Variants in SLC4A4 observed in about 807,000 individuals in gnomAD.
SLC4A4 encodes electrogenic sodium bicarbonate cotransporter 1.
SLC4A4 carries 27 observed loss-of-function variants against 111.5 expected under a neutral mutation model. That is an observed-to-expected ratio of 0.24 (90% CI 0.18 to 0.33). SLC4A4 has a LOEUF of 0.33. Among genes scored for constraint, SLC4A4 ranks in the 10% least tolerant of loss-of-function variants. The pLI is 1.00. For synonymous variants in SLC4A4, 443 were observed against 463.4 expected (o/e 0.96, Z 0.57); for missense variants, 909 against 1,315.5 (o/e 0.69, Z 4.78).
intron 2 of SLC4A4, among the ~76,000 whole-genome samples, chr4:71,156,588 G>GCACACACACACACACA (rs1553957345): frequency 5.5e-4 from 76 of 138,568 alleles, no homozygotes; most frequent in African/African-American, 2.0e-3. Flanking sequence ...GCGCGCGCGC[G>GCACACACACACACACA]CACACACACA....
chr4:71,110,807 G>A (rs1159751495), intron 2 of SLC4A4, among the ~76,000 whole-genome samples: 1 of 152,130 alleles, frequency 6.6e-6, no homozygotes, highest in East Asian at 1.9e-4. Flanking sequence ...GGGCTCTTCA[G>A]TTTGAAGTAC....
intron 3 of SLC4A4, among the ~76,000 whole-genome samples, chr4:71,273,779 G>A (rs535173858): frequency 1.3e-5 from 2 of 151,766 alleles, no homozygotes; most frequent in African/African-American, 4.8e-5. Context: ...GTCAAGCGTT[G>A]CATGCTGGAA....
chr4:71,080,284 G>A (rs1741957658), intron 1 of SLC4A4, among the ~76,000 whole-genome samples: 1 of 152,064 alleles, frequency 6.6e-6, no homozygotes, highest in African/African-American at 2.4e-5. Flanking sequence ...CTCTCCTGGA[G>A]TCAGGGCTGG....
chr4:71,421,482 G>A (rs573071866), intron 7 of SLC4A4, among the ~76,000 whole-genome samples: 88 of 152,110 alleles, frequency 5.8e-4, no homozygotes, highest in Middle Eastern at 6.8e-3. Flanking sequence ...TGCACCAGGC[G>A]GACCTAATAG....
chr4:71,292,965 C>CCA (rs1426773941), intron 3 of SLC4A4, among the ~76,000 whole-genome samples: 30 of 150,500 alleles, frequency 2.0e-4, no homozygotes, highest in African/African-American at 7.3e-4. Context: ...CCTCAGCCTC[C>CCA]CAAGTAGCTG....
intron 12 of SLC4A4, among the ~76,000 whole-genome samples, chr4:71,460,617 G>GA (rs1382154911): frequency 6.6e-6 from 1 of 152,160 alleles, no homozygotes; most frequent in African/African-American, 2.4e-5. Context: ...TGTCAGGACA[G>GA]AAATCACTGA....
chr4:71,186,697 G>GAGGGC (rs1456401716), upstream of SLC4A4: 2 of 151,810 alleles, frequency 1.3e-5, no homozygotes, highest in African/African-American at 2.4e-5. Flanking sequence ...GGGCACGAGC[G>GAGGGC]AGGGCAGGGC....
At chr4:71,171,056 C>G (rs1366510259) in intron 2 of SLC4A4, among the ~76,000 whole-genome samples, 1 of 152,056 alleles carries the variant, frequency 6.6e-6, no homozygotes, top group Non-Finnish European at 1.5e-5. Flanking sequence ...CTGGTTGAAG[C>G]CATGTCATGA....
At chr4:71,390,112 T>C (rs1048678368) in intron 6 of SLC4A4, among the ~76,000 whole-genome samples, 1 of 151,922 alleles carries the variant, frequency 6.6e-6, no homozygotes, top group South Asian at 2.1e-4. Flanking sequence ...TTTTATTTTA[T>C]TTTTTTTCAC....
intron 16 of SLC4A4, among the ~76,000 whole-genome samples, chr4:71,514,324 C>G (rs1732189013): frequency 6.6e-6 from 1 of 152,098 alleles, no homozygotes; most frequent in Non-Finnish European, 1.5e-5. Context: ...GAACCTCCCC[C>G]TTCACCCTCT....
intron 3 of SLC4A4, among the ~76,000 whole-genome samples, chr4:71,335,498 C>G (rs931804893): frequency 6.6e-6 from 1 of 152,080 alleles, no homozygotes; most frequent in East Asian, 1.9e-4. Context: ...ACATTAAAGT[C>G]CTGGAACTGT....
intron 1 of SLC4A4, among the ~76,000 whole-genome samples, chr4:71,214,516 C>T (rs28651162): frequency 0.028 from 4,283 of 152,200 alleles, 208 homozygotes; most frequent in African/African-American, 0.097. Flanking sequence ...CGCCACCACT[C>T]GTACCCTATC....
At chr4:71,380,987 T>C (rs1000832137) in intron 6 of SLC4A4, among the ~76,000 whole-genome samples, 3 of 152,320 alleles carry the variant, frequency 2.0e-5, no homozygotes, top group South Asian at 2.1e-4. Flanking sequence ...TTTTCTGCAA[T>C]GGTTCTGTTT....
intron 7 of SLC4A4, among the ~76,000 whole-genome samples, chr4:71,423,520 C>A (rs4568211): frequency 0.2 from 29,997 of 152,066 alleles, 3,299 homozygotes; most frequent in South Asian, 0.42. Flanking sequence ...CAAAAAAGAG[C>A]CCGCATCGCC....
At chr4:71,287,479 C>T (rs551343316) in intron 3 of SLC4A4, among the ~76,000 whole-genome samples, 16 of 152,230 alleles carry the variant, frequency 1.1e-4, no homozygotes, top group South Asian at 2.1e-4. Flanking sequence ...TTTGGTGTTT[C>T]GTTTATGGGC....
At chr4:71,433,826 C>T (rs188796096) in intron 7 of SLC4A4, among the ~76,000 whole-genome samples, 7 of 152,078 alleles carry the variant, frequency 4.6e-5, no homozygotes, top group Admixed American at 1.3e-4. Context: ...TCCAACACTG[C>T]AGAGATATTT....
At chr4:71,466,948 AGAGAGAGAGAGAGAGAGG>A (rs1286701489) in intron 13 of SLC4A4, among the ~76,000 whole-genome samples, 7 of 115,694 alleles carry the variant, frequency 6.1e-5, no homozygotes, top group Non-Finnish European at 1.0e-4. Context: ...AGAGAGAGAG[AGAGAGAGAGAGAGAGAGG>A]GAGAGAGAGA....
At chr4:71,117,590 A>G (rs1349420980) in intron 2 of SLC4A4, among the ~76,000 whole-genome samples, 2 of 152,206 alleles carry the variant, frequency 1.3e-5, no homozygotes, top group African/African-American at 2.4e-5. Context: ...CTTCTCTAAA[A>G]TGAAAGTAAA....
At chr4:71,270,568 A>G (rs1185162414) in intron 3 of SLC4A4, among the ~76,000 whole-genome samples, 1 of 152,256 alleles carries the variant, frequency 6.6e-6, no homozygotes, top group African/African-American at 2.4e-5. Context: ...GGAATAAATC[A>G]GCAAATTACT....
Sources: gnomAD v4.1 joint callset for allele counts (sites outside exome capture counted in the v4.1 genomes callset) on GRCh38, gnomAD v4.1.1 for gene constraint, MANE v1.5 for transcripts, NCBI Gene and HGNC (gene_info 2026-07-23, HGNC 2026-07-21) for gene names.